Variants in AKAP19 observed in about 807,000 individuals in gnomAD.
AKAP19 encodes the protein small A-kinase anchoring protein.
chr2:189,904,927 G>T, the AKAP19 span, among the ~76,000 whole-genome samples: 2 of 152,032 alleles, frequency 1.3e-5, no homozygotes, highest in African/African-American at 4.8e-5. Flanking sequence ...GATTATATAT[G>T]TCAAAGTTCT....
chr2:190,096,124 A>G, the AKAP19 span, among the ~76,000 whole-genome samples: 1 of 152,154 alleles, frequency 6.6e-6, no homozygotes, highest in Non-Finnish European at 1.5e-5. Context: ...CAGTTTTGGT[A>G]GTGTCCACGG....
At chr2:190,070,703 A>G in the AKAP19 span, among the ~76,000 whole-genome samples, 1 of 150,364 alleles carries the variant, frequency 6.7e-6, no homozygotes, top group Non-Finnish European at 1.5e-5. Context: ...CCCAAAATCT[A>G]TGTTAAATAT....
the AKAP19 span, chr2:190,200,970 T>C: frequency 1.2e-5 from 2 of 166,864 alleles, no homozygotes; most frequent in Non-Finnish European, 2.9e-5. Context: ...TAAGCTTTAC[T>C]ATCTCAGAGG....
chr2:190,037,518 ATG>A, the AKAP19 span, among the ~76,000 whole-genome samples: 1 of 152,220 alleles, frequency 6.6e-6, no homozygotes, highest in Non-Finnish European at 1.5e-5. Flanking sequence ...CCTAAATACA[ATG>A]GTCTGGGACA....
the AKAP19 span, among the ~76,000 whole-genome samples, chr2:190,038,901 T>TTCCTC: frequency 1.3e-4 from 6 of 46,002 alleles, no homozygotes; most frequent in African/African-American, 4.4e-4. Flanking sequence ...TCTTTCTTTC[T>TTCCTC]TTCTTCTTCT....
chr2:190,081,338 A>G, the AKAP19 span, among the ~76,000 whole-genome samples: 2 of 151,940 alleles, frequency 1.3e-5, no homozygotes, highest in Non-Finnish European at 2.9e-5. Context: ...TCTGCATTAC[A>G]AGACCTCCTT....
chr2:189,993,858 C>G, the AKAP19 span, among the ~76,000 whole-genome samples: 1 of 152,058 alleles, frequency 6.6e-6, no homozygotes, highest in Non-Finnish European at 1.5e-5. Flanking sequence ...GTAATACCTC[C>G]CATTACATTT....
chr2:189,914,052 G>A, the AKAP19 span, among the ~76,000 whole-genome samples: 2 of 152,008 alleles, frequency 1.3e-5, no homozygotes, highest in Admixed American at 1.3e-4. Flanking sequence ...GAACAGCTGT[G>A]TCTTTTATTA....
At chr2:190,186,400 C>T in the AKAP19 span, among the ~76,000 whole-genome samples, 1 of 152,176 alleles carries the variant, frequency 6.6e-6, no homozygotes, top group African/African-American at 2.4e-5. This position sits in a 1 kb window ranked among gnomAD's most constrained non-coding sequence, Gnocchi z 5.5. Flanking sequence ...GAAATTTTGG[C>T]CCCAAGTGTG....
At chr2:190,200,016 A>G in the AKAP19 span, 3 of 1,613,958 alleles carry the variant, frequency 1.9e-6, no homozygotes, top group Admixed American at 1.7e-5. Context: ...AGGAACCTCC[A>G]GGGACCAATA....
At chr2:190,165,132 T>A in the AKAP19 span, among the ~76,000 whole-genome samples, 1 of 152,126 alleles carries the variant, frequency 6.6e-6, no homozygotes, top group African/African-American at 2.4e-5. Flanking sequence ...AGAATTAAAT[T>A]TAAAAATTTT....
the AKAP19 span, among the ~76,000 whole-genome samples, chr2:190,076,700 A>AT: frequency 6.6e-6 from 1 of 151,838 alleles, no homozygotes; most frequent in Non-Finnish European, 1.5e-5. Flanking sequence ...TACTTTTAAG[A>AT]TTTTCTCTTT....
the AKAP19 span, among the ~76,000 whole-genome samples, chr2:190,141,946 T>C: frequency 6.6e-6 from 1 of 152,174 alleles, no homozygotes; most frequent in Non-Finnish European, 1.5e-5. Context: ...TAGCAGGTGA[T>C]TGGCGGAAGG....
At chr2:190,098,947 C>T in the AKAP19 span, among the ~76,000 whole-genome samples, 1 of 152,194 alleles carries the variant, frequency 6.6e-6, no homozygotes, top group South Asian at 2.1e-4. Flanking sequence ...TCTGGCACTT[C>T]CTCATCTCTC....
chr2:189,950,576 C>T, the AKAP19 span, among the ~76,000 whole-genome samples: 73 of 152,050 alleles, frequency 4.8e-4, no homozygotes, highest in African/African-American at 1.6e-3. Flanking sequence ...TTAAGGAAGA[C>T]CACCAAAGAG....
the AKAP19 span, among the ~76,000 whole-genome samples, chr2:189,984,550 G>A: frequency 6.6e-6 from 1 of 152,058 alleles, no homozygotes; most frequent in Non-Finnish European, 1.5e-5. Flanking sequence ...TGCAGTTAAT[G>A]CAATTATCAC....
chr2:190,139,349 A>G, the AKAP19 span, among the ~76,000 whole-genome samples: 2 of 152,202 alleles, frequency 1.3e-5, no homozygotes, highest in African/African-American at 2.4e-5. Context: ...AAAGGCCATT[A>G]TGAAAGGGAG....
At chr2:189,885,455 G>C in the AKAP19 span, among the ~76,000 whole-genome samples, 3 of 152,162 alleles carry the variant, frequency 2.0e-5, no homozygotes, top group Non-Finnish European at 4.4e-5. Context: ...ATTGAGTAAA[G>C]ACATCTTTGG....
chr2:189,893,070 C>T, the AKAP19 span, among the ~76,000 whole-genome samples: 28 of 152,224 alleles, frequency 1.8e-4, no homozygotes, highest in South Asian at 4.8e-3. Flanking sequence ...CAGTAATGGC[C>T]GTCGCCCCTC....
Sources: gnomAD v4.1 joint callset for allele counts (sites outside exome capture counted in the v4.1 genomes callset) on GRCh38, gnomAD v4.1.1 for gene constraint, Gnocchi (gnomAD v3.1) non-coding constraint, MANE v1.5 for transcripts, NCBI Gene and HGNC (gene_info 2026-07-23, HGNC 2026-07-21) for gene names.